Variants in TULP4 observed in about 807,000 individuals in gnomAD.
The protein encoded by TULP4 is tubby-related protein 4.
A neutral mutation model predicts 129.0 loss-of-function variants in TULP4; 16 were observed. The ratio of observed to expected loss-of-function variants is 0.12; its 90% confidence interval spans 0.08 to 0.19. The LOEUF (loss-of-function observed/expected upper bound fraction) is 0.19. Among genes scored for constraint, TULP4 ranks in the 10% least tolerant of loss-of-function variants. The pLI, the probability that TULP4 is intolerant of heterozygous loss-of-function variation, is 1.00. For missense variants in TULP4, 1,842 were observed against 2,059.1 expected, an observed-to-expected ratio of 0.89 and a Z score of 2.04; for synonymous variants, 998 against 854.0, an observed-to-expected ratio of 1.17 and a Z score of -2.94.
At chr6:158,306,188 G>T (rs1779214478) in intron 1 of TULP4, among the ~76,000 whole-genome samples, 1 of 152,216 alleles carries the variant, frequency 6.6e-6, no homozygotes, top group African/African-American at 2.4e-5. Flanking sequence ...AACCTTAACA[G>T]TATATGTGAA....
At chr6:158,299,913 GAGA>G (rs1419973816) in intron 1 of TULP4, among the ~76,000 whole-genome samples, 1 of 152,188 alleles carries the variant, frequency 6.6e-6, no homozygotes, top group Non-Finnish European at 1.5e-5. Flanking sequence ...AAAGGAGGAA[GAGA>G]AGAACAGGGG....
intron 1 of TULP4, among the ~76,000 whole-genome samples, chr6:158,268,149 C>T (rs1418202737): frequency 6.6e-6 from 1 of 151,094 alleles, no homozygotes; most frequent in Non-Finnish European, 1.5e-5. Flanking sequence ...GATTCTTCTG[C>T]CCCAGCCTCC....
At position 158,423,337 on chromosome 6, in the gene TULP4, C is replaced by G. The variant is rs111913752; in HGVS notation, c.382-6399C>G. On this transcript the variant is annotated intron_variant, in intron 2 of 13. Transcript: ENST00000367097. ...ATCGAAATTTAATGATACGAAGTTACAGTTAGACAGGAAAATAAGTTTTGG... is the reference window on the plus strand; with the variant it reads ...ATCGAAATTTAATGATACGAAGTTAGAGTTAGACAGGAAAATAAGTTTTGG... 2.7e-3 allele frequency among the ~76,000 whole-genome samples: 408 copies of G among 152,282 alleles called. 1 individual carries two copies. The highest frequency in any genetic ancestry group is 9.2e-3 in the African/African-American group (383 of 41,556).
intron 1 of TULP4, among the ~76,000 whole-genome samples, chr6:158,396,589 TA>T (rs1457910194): frequency 6.6e-6 from 1 of 152,210 alleles, no homozygotes; most frequent in Non-Finnish European, 1.5e-5. Flanking sequence ...TAGCATTCTC[TA>T]ATTTTTATGT....
At chr6:158,367,323 G>A (rs543859649) in intron 1 of TULP4, among the ~76,000 whole-genome samples, 7 of 152,300 alleles carry the variant, frequency 4.6e-5, no homozygotes, top group Non-Finnish European at 7.4e-5. Context: ...AGGAGGAGTC[G>A]TCAGCCAGAA....
intron 6 of TULP4, among the ~76,000 whole-genome samples, chr6:158,473,191 G>C (rs79174923): frequency 1.3e-5 from 2 of 152,172 alleles, no homozygotes; most frequent in African/African-American, 2.4e-5. Flanking sequence ...GTGGACTTCT[G>C]TACTCTTGGA....
chr6:158,245,210 G>C (rs1184830650), intron 1 of TULP4, among the ~76,000 whole-genome samples: 1 of 150,816 alleles, frequency 6.6e-6, no homozygotes, highest in Admixed American at 6.6e-5. Flanking sequence ...GCCCAGGCTG[G>C]TCTTGAACTC....
intron 1 of TULP4, among the ~76,000 whole-genome samples, chr6:158,239,588 G>A (rs1396682421): frequency 1.1e-3 from 66 of 58,764 alleles, no homozygotes; most frequent in African/African-American, 3.6e-3. Flanking sequence ...GGGCAGGGGG[G>A]CTGACCCCCC....
At chr6:158,336,025 A>G (rs1025523533) in intron 1 of TULP4, among the ~76,000 whole-genome samples, 1 of 152,236 alleles carries the variant, frequency 6.6e-6, no homozygotes, top group Non-Finnish European at 1.5e-5. Context: ...ACTTCTTTCC[A>G]TAATGATGAA....
intron 3 of TULP4, among the ~76,000 whole-genome samples, chr6:158,435,180 G>A (rs1421079612): frequency 1.3e-5 from 2 of 152,212 alleles, no homozygotes; most frequent in African/African-American, 2.4e-5. Flanking sequence ...GCTTATGGAA[G>A]TTAGTGACAC....
chr6:158,390,016 A>G (rs1777547669), intron 1 of TULP4, among the ~76,000 whole-genome samples: 1 of 151,854 alleles, frequency 6.6e-6, no homozygotes. Context: ...GGTTGCAGTG[A>G]GCTGAGATTG....
At chr6:158,373,210 T>C (rs1777109640) in intron 1 of TULP4, among the ~76,000 whole-genome samples, 1 of 152,236 alleles carries the variant, frequency 6.6e-6, no homozygotes, top group Non-Finnish European at 1.5e-5. Context: ...TATGCCCATG[T>C]AGCTCTTACA....
rs541226525 is a variant in TULP4 at position 158,290,207 on chromosome 6, T to C, written n.116+7829T>C. On this transcript the variant is annotated intron_variant and non_coding_transcript_variant, in intron 1 of 1. Transcript: ENST00000432358. ...CAGCATTTGTTATTTTCTGACTCTTTTAGTAATAGCCATTTTAACTGGGGT... is the reference window on the plus strand; with the variant it reads ...CAGCATTTGTTATTTTCTGACTCTTCTAGTAATAGCCATTTTAACTGGGGT... 3.9e-5 allele frequency among the ~76,000 whole-genome samples: 6 copies of C among 152,342 alleles called. No individual in the cohort carries two copies. The East Asian group carries it at 1.2e-3, about 29-fold the overall frequency.
intron 6 of TULP4, among the ~76,000 whole-genome samples, chr6:158,479,165 C>T (rs1321314794): frequency 3.3e-5 from 5 of 152,100 alleles, no homozygotes; most frequent in Non-Finnish European, 7.4e-5. Flanking sequence ...AAGGGAAGGG[C>T]CATCTGGTCT....
At chr6:158,355,825 C>G (rs1228391985) in intron 1 of TULP4, among the ~76,000 whole-genome samples, 2 of 152,108 alleles carry the variant, frequency 1.3e-5, no homozygotes, top group Non-Finnish European at 1.5e-5. Flanking sequence ...AATTCAAGTT[C>G]AAATTTATAC....
chr6:158,351,751 C>G (rs922791431), intron 1 of TULP4, among the ~76,000 whole-genome samples: 3 of 109,620 alleles, frequency 2.7e-5, no homozygotes, highest in Non-Finnish European at 5.1e-5. Context: ...CAGAGTCTCA[C>G]TCTGTTGCCC....
chr6:158,306,782 G>T (rs1030840216), intron 1 of TULP4, among the ~76,000 whole-genome samples: 2 of 152,306 alleles, frequency 1.3e-5, no homozygotes, highest in East Asian at 3.9e-4. Flanking sequence ...ACTTCAGGAG[G>T]CTGAGCAGGG....
chr6:158,246,491 C>CA lies in TULP4; in HGVS notation n.68+14204dup, dbSNP rs72465395. Among the ~76,000 whole-genome samples, 222 of 119,834 alleles carry CA rather than the reference C, an allele frequency of 1.9e-3. 1 individual carries two copies. The highest frequency in any genetic ancestry group is 4.6e-3 in the African/African-American group (132 of 28,604). The allele number at this position is 119,834 out of a possible 152,430, so 78.6% of individuals were successfully genotyped here. A position where few individuals can be genotyped will look rare whatever the true frequency, so the allele number is the denominator to read the frequency against. On this transcript the variant is annotated intron_variant and non_coding_transcript_variant, in intron 1 of 1. Transcript: ENST00000620026. Reference sequence around the variant, plus strand: ...TGGGCGACAAAGTGAGACTCCATCTCAAAAAAAAAAAAAAAATTAAATACA... The same window carrying CA: ...TGGGCGACAAAGTGAGACTCCATCTCAAAAAAAAAAAAAAAAATTAAATACA...
At position 158,464,269 on chromosome 6, in the gene TULP4, C is replaced by T. The variant is rs559064281; in HGVS notation, c.1026+2540C>T. Among the ~76,000 whole-genome samples, 18 of 152,250 alleles carry T rather than the reference C, an allele frequency of 1.2e-4. No individual in the cohort carries two copies. In the South Asian group the frequency reaches 3.3e-3, roughly 28 times the overall value. On this transcript the variant is annotated intron_variant, in intron 6 of 13. Transcript: ENST00000367097. ...ACAGACAAAGACATACATCAATACC[C>T]GTAAGGCACATGTTGGTTAAGCCTG...
Sources: gnomAD v4.1 joint callset for allele counts (sites outside exome capture counted in the v4.1 genomes callset) on GRCh38, gnomAD v4.1.1 for gene constraint, MANE v1.5 for transcripts, NCBI Gene and HGNC (gene_info 2026-07-23, HGNC 2026-07-21) for gene names.